Variants in FIG4 observed in about 807,000 individuals in gnomAD.
FIG4 encodes the protein FIG4 phosphoinositide 5-phosphatase.
In FIG4, 112 loss-of-function variants were observed where a neutral mutation model predicts 118.6. That is an observed-to-expected ratio of 0.94 (90% CI 0.81 to 1.11). FIG4 has a LOEUF of 1.11. FIG4 is among the 50% of genes least tolerant of loss of function. The pLI is 0.00. For missense variants in FIG4, 969 were observed against 1,111.7 expected (o/e 0.87, Z 1.83); for synonymous variants, 369 against 381.2 (o/e 0.97, Z 0.37).
intron 3 of FIG4, among the ~76,000 whole-genome samples, chr6:109,718,911 C>A (rs1258070980): frequency 3.5e-5 from 5 of 142,126 alleles, no homozygotes; most frequent in African/African-American, 5.3e-5. Context: ...AATGTTGATA[C>A]CTTATTACAT....
intron 10 of FIG4, among the ~76,000 whole-genome samples, chr6:109,752,702 T>A (rs1318741777): frequency 6.6e-6 from 1 of 152,212 alleles, no homozygotes; most frequent in Non-Finnish European, 1.5e-5. Flanking sequence ...TTTTTTCTTG[T>A]AAATTTGTTT....
At chr6:109,811,727 T>C (rs1778726457) in intron 22 of FIG4, among the ~76,000 whole-genome samples, 1 of 152,180 alleles carries the variant, frequency 6.6e-6, no homozygotes, top group Non-Finnish European at 1.5e-5. Flanking sequence ...AGCAGGGGAA[T>C]GCGAGAGAGT....
chr6:109,824,174 G>A (rs1009566692), intron 22 of FIG4, among the ~76,000 whole-genome samples: 1 of 152,214 alleles, frequency 6.6e-6, no homozygotes, highest in African/African-American at 2.4e-5. Context: ...AGTGGGGTGG[G>A]AATGGAGGGA....
At chr6:109,693,468 C>G (rs1021782243) in intron 1 of FIG4, among the ~76,000 whole-genome samples, 1 of 152,120 alleles carries the variant, frequency 6.6e-6, no homozygotes, top group Non-Finnish European at 1.5e-5. Context: ...GAGGTGTGTT[C>G]CAGAACTCAG....
intron 3 of FIG4, among the ~76,000 whole-genome samples, chr6:109,719,692 C>T (rs1247521165): frequency 6.6e-6 from 1 of 152,142 alleles, no homozygotes; most frequent in Non-Finnish European, 1.5e-5. Context: ...CCGTGCTCAG[C>T]CTGAACTGTG....
chr6:109,750,402 G>T (rs967222574), intron 10 of FIG4, among the ~76,000 whole-genome samples: 6 of 152,328 alleles, frequency 3.9e-5, no homozygotes, highest in South Asian at 4.1e-4. Context: ...CTGGGAAACA[G>T]GCGGGAGGCT....
chr6:109,710,909 TAA>T (rs1554298937), intron 1 of FIG4, among the ~76,000 whole-genome samples: 4 of 149,562 alleles, frequency 2.7e-5, no homozygotes, highest in African/African-American at 9.8e-5. Context: ...TATTAGTTTT[TAA>T]AAAAAAAAAA....
Position 109,766,838 on chromosome 6 carries a change from C to G in FIG4, c.1693C>G (p.Gln565Glu). 6.2e-7 allele frequency: 1 copy of G among 1,614,060 alleles called. No individual in the cohort carries two copies. Among genetic ancestry groups the G allele is most frequent in the Non-Finnish European group, 8.5e-7 (1 of 1,179,966 alleles). The change falls in exon 15 of 23, where the codon CAG (glutamine) becomes GAG (glutamate). Residue 565 changes from glutamine (Q) to glutamate (E), a missense_variant. Around this residue, in one of 3 missense-constraint regions of FIG4, gnomAD observed 246 missense variants for 354.3 expected, o/e 0.69. Transcript: ENST00000230124. The part of the protein sequence containing the change: ...KTYRKIAPWT[Q>E]HSKDIMQTLS... Reference sequence around the variant, plus strand: ...CTACAGAAAGATAGCACCATGGACCCAGCACTCCAAAGACATCATGCAAAC... The same window carrying G: ...CTACAGAAAGATAGCACCATGGACCGAGCACTCCAAAGACATCATGCAAAC...
intron 15 of FIG4, among the ~76,000 whole-genome samples, chr6:109,775,907 CTTGTTCGCTATAACTG>C (rs1456998720): frequency 1.3e-5 from 2 of 152,136 alleles, no homozygotes; most frequent in Non-Finnish European, 2.9e-5. Context: ...TCAGGTATAT[CTTGTTCGCTATAACTG>C]TTGGAAGAAA....
At chr6:109,734,128 A>T (rs1480798435) in intron 5 of FIG4, among the ~76,000 whole-genome samples, 1 of 152,010 alleles carries the variant, frequency 6.6e-6, no homozygotes, top group African/African-American at 2.4e-5. Flanking sequence ...CAGATGAAAC[A>T]AATCAATTTC....
intron 21 of FIG4, among the ~76,000 whole-genome samples, chr6:109,796,133 C>T (rs1389518222): frequency 6.6e-6 from 1 of 152,246 alleles, no homozygotes; most frequent in Non-Finnish European, 1.5e-5. Context: ...CTGAGAAGTG[C>T]TGTTCAAGAC....
chr6:109,750,209 T>G (rs1044289629), intron 10 of FIG4, among the ~76,000 whole-genome samples: 6 of 152,224 alleles, frequency 3.9e-5, no homozygotes, highest in African/African-American at 1.4e-4. Flanking sequence ...AAAGACAGTT[T>G]GCAGCAATCC....
Position 109,760,351 on chromosome 6 carries a change from T to C in FIG4, c.1239T>C (p.Tyr413=), listed in dbSNP as rs774102800. Reference sequence around the variant, plus strand: ...TGCCTCCTGAGCACACTATTGTTTATATTCCCTGGGACATGGCCAAGTATA... The same window carrying C: ...TGCCTCCTGAGCACACTATTGTTTACATTCCCTGGGACATGGCCAAGTATA... The part of the protein sequence containing the change: ...QFLPPEHTIV[Y]IPWDMAKYTK... The change falls in exon 11 of 23, where the codon TAT becomes TAC. Residue 413 remains tyrosine, a synonymous_variant. Transcript: ENST00000230124. The C allele has an allele frequency of 6.2e-7, 1 of 1,613,058 alleles. No individual in the cohort carries two copies. The highest frequency in any genetic ancestry group is 8.5e-7 in the Non-Finnish European group (1 of 1,179,144).
At chr6:109,786,236 A>T in intron 17 of FIG4, 66 bp from the exon 18 acceptor site, 2 of 1,405,700 alleles carry the variant, frequency 1.4e-6, no homozygotes, top group South Asian at 2.3e-5. Flanking sequence ...AACACAGTTA[A>T]TATTATGGAA....
chr6:109,710,500 A>G (rs1376728936), intron 1 of FIG4, among the ~76,000 whole-genome samples: 3 of 152,220 alleles, frequency 2.0e-5, no homozygotes, highest in Non-Finnish European at 4.4e-5. Context: ...CCTCCTCCTC[A>G]GTTTTTTTGG....
intron 1 of FIG4, among the ~76,000 whole-genome samples, chr6:109,699,643 C>CATGT (rs1365332824): frequency 6.6e-6 from 1 of 151,918 alleles, no homozygotes; most frequent in Non-Finnish European, 1.5e-5. Context: ...ACTGGGACTA[C>CATGT]AGGCCCACGC....
At chr6:109,698,661 G>T (rs930979452) in intron 1 of FIG4, among the ~76,000 whole-genome samples, 1 of 152,158 alleles carries the variant, frequency 6.6e-6, no homozygotes, top group East Asian at 1.9e-4. Context: ...TCAGATTGAG[G>T]AATATTTCTT....
chr6:109,759,682 G>A (rs1343853115), intron 10 of FIG4, among the ~76,000 whole-genome samples: 1 of 152,202 alleles, frequency 6.6e-6, no homozygotes, highest in Non-Finnish European at 1.5e-5. Context: ...GAGGCAGAAG[G>A]CAAGGTTTAG....
At position 109,776,237 on chromosome 6, in the gene FIG4, A is replaced by G. The variant is rs142058918; in HGVS notation, c.1751-685A>G. Reference sequence around the variant, plus strand: ...GAGGAAGTAAAACATACACAGAGTCAGTTTTGTTACTTCATAGTATAGTTT... The same window carrying G: ...GAGGAAGTAAAACATACACAGAGTCGGTTTTGTTACTTCATAGTATAGTTT... On this transcript the variant is annotated intron_variant, in intron 15 of 22. Coordinates refer to ENST00000230124, the MANE Select transcript of FIG4 (RefSeq NM_014845.6). Among the ~76,000 whole-genome samples the G allele has an allele frequency of 3.8e-3, 572 of 152,348 alleles. 3 individuals are homozygous for G. The highest frequency in any genetic ancestry group is 6.2e-3 in the Non-Finnish European group (421 of 68,028).
Sources: allele counts gnomAD v4.1 joint callset (sites outside exome capture counted in the v4.1 genomes callset), GRCh38; gene constraint gnomAD v4.1.1; regional missense constraint gnomAD v4.1.1; transcripts MANE v1.5; gene names NCBI Gene and HGNC (gene_info 2026-07-23, HGNC 2026-07-21).